Variants in SLC25A48 observed in about 807,000 individuals in gnomAD.
The protein encoded by SLC25A48 is solute carrier family 25 member 48, also known as CTC-321K16.1.
A neutral mutation model predicts 32.2 loss-of-function variants in SLC25A48; 29 were observed. The observed-to-expected ratio is 0.90, with a 90% CI of 0.67 to 1.23. The LOEUF (loss-of-function observed/expected upper bound fraction) is 1.23, where lower values mean the gene tolerates loss of function less well. Ranked by LOEUF, SLC25A48 falls within the 50% of genes most tolerant of loss-of-function variation. The pLI is 0.00. For synonymous variants in SLC25A48, 164 were observed against 172.3 expected, an observed-to-expected ratio of 0.95 and a Z score of 0.38; for missense variants, 399 against 422.7, an observed-to-expected ratio of 0.94 and a Z score of 0.49.
In SLC25A48 at chr5:135,764,273, A is replaced by G. The variant is rs530319894; in HGVS notation, c.-520-48250A>G. ...TGGGGATTTAACATGGTTCGTATTA[A>G]CCACAGAAAAACATAGTAATATTAC... On this transcript the variant is annotated intron_variant, in intron 3 of 10. Transcript: ENST00000646290. 1.1e-4 allele frequency among the ~76,000 whole-genome samples: 17 copies of G among 152,026 alleles called. No individual in the cohort carries two copies. In the South Asian group the frequency reaches 2.9e-3, roughly 26 times the overall value.
At chr5:135,742,676 C>T (rs1480444632) in intron 3 of SLC25A48, 1 of 524,616 alleles carries the variant, frequency 1.9e-6, no homozygotes, top group East Asian at 3.3e-5. Flanking sequence ...GAGCTAAGTC[C>T]TAGTCCTGGG....
intron 3 of SLC25A48, among the ~76,000 whole-genome samples, chr5:135,666,282 C>A (rs1561781883): frequency 6.6e-6 from 1 of 152,186 alleles, no homozygotes; most frequent in Non-Finnish European, 1.5e-5. Flanking sequence ...GTGCACTGAA[C>A]CACTAGAGGA....
At position 135,646,323 on chromosome 5, in the gene SLC25A48, T is replaced by A. The variant is rs180823939; in HGVS notation, c.-521+11367T>A. 2.0e-4 allele frequency among the ~76,000 whole-genome samples: 31 copies of A among 152,166 alleles called. 2 individuals carry two copies. The East Asian group carries it at 5.6e-3, about 28-fold the overall frequency. On this transcript the variant is annotated intron_variant, in intron 3 of 10. Transcript: ENST00000646290. The stretch of plus-strand genomic sequence containing the variant: ...TGTGTTTCAGGAGCCTTATGGCAGA[T>A]CACTCATTTTTATTTAGACTTGGAT...
intron 3 of SLC25A48, among the ~76,000 whole-genome samples, chr5:135,734,983 C>T (rs796452126): frequency 1.5e-4 from 23 of 152,276 alleles, no homozygotes; most frequent in African/African-American, 4.8e-4. Context: ...AGTCAGAGAG[C>T]CTTGGGCCAG....
intron 1 of SLC25A48, among the ~76,000 whole-genome samples, chr5:135,611,651 G>T (rs945150234): frequency 1.1e-4 from 17 of 152,102 alleles, no homozygotes; most frequent in Non-Finnish European, 2.2e-4. Context: ...GGTGGAGGTT[G>T]CAGTGAGCTG....
chr5:135,650,776 G>T (rs921882057), intron 3 of SLC25A48, among the ~76,000 whole-genome samples: 1 of 152,118 alleles, frequency 6.6e-6, no homozygotes, highest in Non-Finnish European at 1.5e-5. Context: ...TGTCATCTTT[G>T]TGCGTGTGTA....
At chr5:135,745,420 T>C (rs941605067) in intron 3 of SLC25A48, among the ~76,000 whole-genome samples, 1 of 152,194 alleles carries the variant, frequency 6.6e-6, no homozygotes, top group Non-Finnish European at 1.5e-5. Context: ...GTGGGTGTCA[T>C]AGCCATCACA....
At chr5:135,645,389 C>T (rs1041932054) in intron 3 of SLC25A48, among the ~76,000 whole-genome samples, 4 of 152,246 alleles carry the variant, frequency 2.6e-5, no homozygotes, top group African/African-American at 9.6e-5. Context: ...CCATCAGCGT[C>T]TCAGCTGTGG....
At chr5:135,867,742 G>A (rs1452362108) in intron 4 of SLC25A48, among the ~76,000 whole-genome samples, 1 of 152,200 alleles carries the variant, frequency 6.6e-6, no homozygotes, top group African/African-American at 2.4e-5. Context: ...AATGGTGGTG[G>A]TGTGGTGCAT....
intron 3 of SLC25A48, among the ~76,000 whole-genome samples, chr5:135,709,425 G>T (rs1754599594): frequency 6.6e-6 from 1 of 152,246 alleles, no homozygotes; most frequent in African/African-American, 2.4e-5. Context: ...GTCCTGGCTT[G>T]CAACCATTAG....
chr5:135,778,973 CAAATAT>C lies in SLC25A48; in HGVS notation c.-520-33549_-520-33544del, dbSNP rs796371096. 2.4e-4 allele frequency among the ~76,000 whole-genome samples: 37 copies of C among 151,418 alleles called. No homozygotes were observed. The South Asian group carries it at 7.8e-3, about 32-fold the overall frequency. On this transcript the variant is annotated intron_variant, in intron 3 of 10. Coordinates refer to the SLC25A48 transcript ENST00000646290. ...CTCAAGGGGGGAGAGAATATTTCCCCAAATATCACATAATATACATCCCCCAGTGAT... is the reference window on the plus strand; with the variant it reads ...CTCAAGGGGGGAGAGAATATTTCCCCCACATAATATACATCCCCCAGTGAT...
intron 3 of SLC25A48, among the ~76,000 whole-genome samples, chr5:135,654,307 C>G (rs1393461894): frequency 1.3e-5 from 2 of 152,136 alleles, no homozygotes; most frequent in Non-Finnish European, 2.9e-5. Context: ...TGCAACCAGC[C>G]GTAGCTAAGG....
At chr5:135,855,528 C>T (rs886284834) in intron 4 of SLC25A48, among the ~76,000 whole-genome samples, 4 of 152,172 alleles carry the variant, frequency 2.6e-5, no homozygotes, top group South Asian at 2.1e-4. Flanking sequence ...CAAGAACACA[C>T]GATTAGCCAC....
At chr5:135,876,710 C>G (rs1762088105) in intron 6 of SLC25A48, among the ~76,000 whole-genome samples, 1 of 152,126 alleles carries the variant, frequency 6.6e-6, no homozygotes, top group African/African-American at 2.4e-5. Context: ...ATGTACATAT[C>G]TATGTATGCT....
Position 135,772,647 on chromosome 5 carries a change from A to C in SLC25A48, c.-520-39876A>C, listed in dbSNP as rs144793159. ...TAACTGGAGGGGGGGAGAAAATGAT[A>C]TTAATCCCAAATCGCCAAGGGTGTA... On this transcript the variant is annotated intron_variant, in intron 3 of 10. Coordinates refer to the SLC25A48 transcript ENST00000646290. 6.7e-3 allele frequency among the ~76,000 whole-genome samples: 1,002 copies of C among 150,316 alleles called. 16 individuals carry two copies. Among genetic ancestry groups the C allele is most frequent in the African/African-American group, 0.024 (967 of 40,982 alleles).
rs368347571 is a variant in SLC25A48, at chr5:135,886,673, TGAGAGAGAGAGA to T, written c.*8-1341_*8-1330del. On this transcript the variant is annotated intron_variant, in intron 7 of 7. Coordinates refer to ENST00000681962, the MANE Select transcript of SLC25A48 (RefSeq NM_001349336.2). ...ATGTGTGTGTGTGTGTGTGTGTGTG[TGAGAGAGAGAGA>T]GAGAGAGAGAGAGAGAGTGTGTGTG... Among the ~76,000 whole-genome samples, 116 of 32,690 alleles carry T rather than the reference TGAGAGAGAGAGA, an allele frequency of 3.5e-3. 6 individuals are homozygous for T. Among genetic ancestry groups the T allele is most frequent in the African/African-American group, 9.5e-3 (109 of 11,458 alleles). 21.4% of individuals were successfully genotyped at this position (32,690 alleles called of 152,430 possible). A position where few individuals can be genotyped will look rare whatever the true frequency, so the allele number is the denominator to read the frequency against.
intron 3 of SLC25A48, among the ~76,000 whole-genome samples, chr5:135,643,859 T>C (rs1192976121): frequency 6.6e-6 from 1 of 152,160 alleles, no homozygotes; most frequent in Non-Finnish European, 1.5e-5. Flanking sequence ...TGCCATGTGT[T>C]TAGCGCTATG....
chr5:135,613,314 A>C (rs1452300986), intron 1 of SLC25A48, among the ~76,000 whole-genome samples: 2 of 152,112 alleles, frequency 1.3e-5, no homozygotes, highest in Non-Finnish European at 2.9e-5. Context: ...AGTTTCTTGT[A>C]TATTGTAGAC....
intron 3 of SLC25A48, among the ~76,000 whole-genome samples, chr5:135,851,919 C>T (rs761077264): frequency 1.1e-4 from 16 of 152,172 alleles, no homozygotes; most frequent in Non-Finnish European, 2.1e-4. Context: ...TATGTGGCCC[C>T]TTCAGCCACT....
Sources: allele counts gnomAD v4.1 joint callset (sites outside exome capture counted in the v4.1 genomes callset), GRCh38; gene constraint gnomAD v4.1.1; transcripts MANE v1.5; gene names NCBI Gene and HGNC (gene_info 2026-07-23, HGNC 2026-07-21).